Variants in RUVBL1 observed in about 807,000 individuals in gnomAD.
The protein encoded by RUVBL1 is RuvB like AAA ATPase 1.
Under a neutral mutation model 52.4 loss-of-function variants are expected in RUVBL1, and 4 were observed. That is an observed-to-expected ratio of 0.08 (90% CI 0.04 to 0.17). RUVBL1 has a LOEUF of 0.17. Ranked by LOEUF, RUVBL1 falls within the 10% of genes least tolerant of loss-of-function variation. The pLI is 1.00. For missense variants in RUVBL1, 298 were observed against 572.8 expected, an observed-to-expected ratio of 0.52 and a Z score of 4.90; for synonymous variants, 217 against 214.4, an observed-to-expected ratio of 1.01 and a Z score of -0.10.
At position 128,081,699 on chromosome 3, in the gene RUVBL1, A is replaced by G; in HGVS notation, c.1212-290T>C. ...TAGGAAGTAATGTCACTGCTACTGG[A>G]AAAGGACTGCAAACTTATATGTATA... is the stretch of plus-strand genomic sequence containing the variant. On this transcript the variant is annotated intron_variant, in intron 10 of 10. Coordinates refer to ENST00000322623, the MANE Select transcript of RUVBL1 (RefSeq NM_003707.3). This position sits in a 1 kb window ranked among gnomAD's most constrained non-coding sequence, Gnocchi z 4.8. 1 of 366,818 alleles carries G rather than the reference A, an allele frequency of 2.7e-6. No homozygotes were observed. Among genetic ancestry groups the G allele is most frequent in the Non-Finnish European group, 4.9e-6 (1 of 202,318 alleles). The allele number at this position is 366,818 out of a possible 1,614,324, so 22.7% of individuals were successfully genotyped here. A position where few individuals can be genotyped will look rare whatever the true frequency, so the allele number is the denominator to read the frequency against.
In RUVBL1 at chr3:128,138,789, G is replaced by A. The variant is rs116082933; in HGVS notation, c.-40+14414C>T. ...CAAAACTGTAGCAATCACATAACCT[G>A]ACTTCAAATTATGCTACAGAGCTAT... On this transcript the variant is annotated intron_variant, in intron 1 of 9. Transcript: ENST00000464873. 7.7e-3 allele frequency among the ~76,000 whole-genome samples: 1,168 copies of A among 152,160 alleles called. 9 individuals are homozygous for A. The highest frequency in any genetic ancestry group is 0.013 in the Non-Finnish European group (858 of 67,980).
chr3:128,101,433 C>T (rs1364339362), intron 5 of RUVBL1, 126 bp downstream of exon 5: 22 of 808,164 alleles, frequency 2.7e-5, no homozygotes, highest in Non-Finnish European at 2.0e-5. Context: ...TTCCATCAGC[C>T]TCATAACAGA....
At chr3:128,068,443 G>A (rs1942050346) in intron 9 of RUVBL1, among the ~76,000 whole-genome samples, 2 of 152,242 alleles carry the variant, frequency 1.3e-5, no homozygotes, top group Non-Finnish European at 2.9e-5. Flanking sequence ...CTCAGAGCAG[G>A]CAGGTCCTGG....
rs1057156 is a variant in RUVBL1 at position 128,081,228 on chromosome 3, A to G, written c.*22T>C. The stretch of plus-strand genomic sequence containing the variant: ...GCCAGGCACACCTGGGGAGTCTCTT[A>G]CTGCTGAAAACCTCAGCCATCTCAC... On this transcript the variant is annotated 3_prime_UTR_variant, in exon 11 of 11. Coordinates refer to ENST00000322623, the MANE Select transcript of RUVBL1 (RefSeq NM_003707.3). The surrounding 1 kb of genome is among the most constrained non-coding windows in gnomAD (Gnocchi z 4.8). 377,099 of 1,606,128 alleles carry G rather than the reference A, an allele frequency of 0.23. 45,693 individuals carry two copies. Among genetic ancestry groups the G allele is most frequent in the South Asian group, 0.27 (24,061 of 90,508 alleles).
At chr3:128,110,920 A>G (rs1173000162) in intron 3 of RUVBL1, among the ~76,000 whole-genome samples, 3 of 152,002 alleles carry the variant, frequency 2.0e-5, no homozygotes, top group Non-Finnish European at 4.4e-5. Context: ...TTTTTTAGCT[A>G]AAGACTTCTG....
At chr3:128,138,381 A>C (rs1321653108) in intron 1 of RUVBL1, among the ~76,000 whole-genome samples, 1 of 152,192 alleles carries the variant, frequency 6.6e-6, no homozygotes, top group Non-Finnish European at 1.5e-5. Context: ...ATATAAAGTC[A>C]ACATGCAAAA....
At chr3:128,134,920 T>C (rs1351365143) in intron 1 of RUVBL1, among the ~76,000 whole-genome samples, 1 of 152,098 alleles carries the variant, frequency 6.6e-6, no homozygotes, top group Non-Finnish European at 1.5e-5. Flanking sequence ...CTAAGAGTTA[T>C]TGGCCTTAAA....
intron 9 of RUVBL1, among the ~76,000 whole-genome samples, chr3:128,085,737 GAGC>G (rs1437425189): frequency 6.6e-6 from 1 of 151,954 alleles, no homozygotes; most frequent in East Asian, 2.0e-4. Context: ...AGCCACAGGA[GAGC>G]AGCAGAAGTG....
intron 9 of RUVBL1, among the ~76,000 whole-genome samples, chr3:128,071,989 G>T (rs184657589): frequency 6.1e-4 from 93 of 152,360 alleles, no homozygotes; most frequent in African/African-American, 2.2e-3. Context: ...GTGGAAGAGT[G>T]GGAACCTTCT....
chr3:128,072,876 C>G (rs998904140), intron 9 of RUVBL1, among the ~76,000 whole-genome samples: 3 of 152,192 alleles, frequency 2.0e-5, no homozygotes, highest in Non-Finnish European at 2.9e-5. Context: ...GTCTCTCCAC[C>G]TGGCTCCTCC....
In RUVBL1 at chr3:128,082,269, A is replaced by C. The variant is rs777163978; in HGVS notation, c.1211+214T>G. ...CAGAGGGGAGCATCTGCTGCAGGAC[A>C]TGGGGACTTCACCCTTACTCTAGCT... On this transcript the variant is annotated intron_variant, in intron 10 of 10. Coordinates refer to ENST00000322623, the MANE Select transcript of RUVBL1 (RefSeq NM_003707.3). The surrounding 1 kb of genome is among the most constrained non-coding windows in gnomAD (Gnocchi z 4.7). 4 of 529,726 alleles carry C rather than the reference A, an allele frequency of 7.6e-6. No homozygotes were observed. Among genetic ancestry groups the C allele is most frequent in the Non-Finnish European group, 1.0e-5 (3 of 294,032 alleles). 32.8% of individuals were successfully genotyped at this position (529,726 alleles called of 1,614,324 possible). A position where few individuals can be genotyped will look rare whatever the true frequency, so the allele number is the denominator to read the frequency against.
chr3:128,096,927 A>C (rs1190794597), intron 8 of RUVBL1, among the ~76,000 whole-genome samples: 2 of 152,164 alleles, frequency 1.3e-5, no homozygotes, highest in Non-Finnish European at 2.9e-5. Context: ...CAGTTTCCTT[A>C]TTTGAAAAAT....
intron 1 of RUVBL1, among the ~76,000 whole-genome samples, chr3:128,147,778 G>A (rs1483419677): frequency 6.6e-6 from 1 of 152,112 alleles, no homozygotes; most frequent in African/African-American, 2.4e-5. Flanking sequence ...AACTTATGTT[G>A]GCATAAAACC....
Position 128,100,752 on chromosome 3 carries a change from AAG to A in RUVBL1, c.604-10_604-9del. 2 of 1,613,588 alleles carry A rather than the reference AAG, an allele frequency of 1.2e-6. No homozygotes were observed. Among genetic ancestry groups the A allele is most frequent in the Non-Finnish European group, 1.7e-6 (2 of 1,179,814 alleles). On this transcript the variant is annotated splice_polypyrimidine_tract_variant and intron_variant, in intron 5 of 10. Transcript: ENST00000322623. ...ATCACACCTGCCCTGCCTCTGCAAA[AAG>A]AGAGAAACATGAGTGCCTGGTAAGT...
At chr3:128,117,904 C>G (rs933467408) in intron 2 of RUVBL1, among the ~76,000 whole-genome samples, 2 of 152,118 alleles carry the variant, frequency 1.3e-5, no homozygotes, top group Non-Finnish European at 2.9e-5. Flanking sequence ...AATTAGACTT[C>G]TCAAAAACAA....
chr3:128,104,112 T>C (rs1943169467), intron 4 of RUVBL1, among the ~76,000 whole-genome samples: 1 of 152,210 alleles, frequency 6.6e-6, no homozygotes, highest in African/African-American at 2.4e-5. Flanking sequence ...AAGCCAGGGA[T>C]TCCTTAAGGA....
intron 1 of RUVBL1, among the ~76,000 whole-genome samples, chr3:128,134,458 C>CAAA (rs55972505): frequency 6.1e-4 from 66 of 107,570 alleles, no homozygotes; most frequent in African/African-American, 1.1e-3. Context: ...GTGAAACTGT[C>CAAA]AAAAAAAAAA....
chr3:128,069,724 T>A (rs1376454278), intron 9 of RUVBL1: 2 of 1,405,186 alleles, frequency 1.4e-6, no homozygotes, highest in African/African-American at 2.8e-5. Flanking sequence ...GGAGCTCTCA[T>A]CATGGCGCGT....
intron 9 of RUVBL1, chr3:128,085,204 C>T (rs1185801031): frequency 6.6e-6 from 1 of 152,238 alleles, no homozygotes; most frequent in Non-Finnish European, 1.5e-5. Context: ...CCGTTATTGC[C>T]AATACCTCAC....
Sources: allele counts gnomAD v4.1 joint callset (sites outside exome capture counted in the v4.1 genomes callset), GRCh38; gene constraint gnomAD v4.1.1; non-coding constraint Gnocchi (gnomAD v3.1); transcripts MANE v1.5; gene names NCBI Gene and HGNC (gene_info 2026-07-23, HGNC 2026-07-21).